The following KCNH1 variants were observed in gnomAD, a reference collection of about 807,000 sequenced individuals.
The protein encoded by KCNH1 is voltage-gated delayed rectifier potassium channel KCNH1.
A neutral mutation model predicts 69.2 loss-of-function variants in KCNH1; 27 were observed. That is an observed-to-expected ratio of 0.39 (90% confidence interval 0.29 to 0.54). The LOEUF is 0.54. KCNH1 is among the 20% of genes least tolerant of loss of function. KCNH1 has a pLI of 0.68. For missense variants in KCNH1, 798 were observed against 1,261.6 expected (o/e 0.63, Z 5.57); for synonymous variants, 456 against 487.7 (o/e 0.93, Z 0.86).
At chr1:210,824,079 A>G (rs1684987701) in intron 7 of KCNH1, among the ~76,000 whole-genome samples, 1 of 151,976 alleles carries the variant, frequency 6.6e-6, no homozygotes, top group South Asian at 2.1e-4. Context: ...GAGACTATAC[A>G]CATGAGCCAC....
chr1:211,066,517 C>A (rs182203748), intron 5 of KCNH1, among the ~76,000 whole-genome samples: 2 of 151,998 alleles, frequency 1.3e-5, no homozygotes, highest in African/African-American at 2.4e-5. Flanking sequence ...GTACACTGAA[C>A]CATCAGAAAG....
At chr1:211,120,297 C>T (rs1691662850) in intron 1 of KCNH1, among the ~76,000 whole-genome samples, 1 of 151,486 alleles carries the variant, frequency 6.6e-6, no homozygotes, top group African/African-American at 2.4e-5. Flanking sequence ...TCAAGCAATT[C>T]TCCTGCTTCA....
At chr1:210,860,856 C>G in intron 7 of KCNH1, 1 of 922,612 alleles carries the variant, frequency 1.1e-6, no homozygotes, top group Non-Finnish European at 1.8e-6. Context: ...CTCAGCAAGC[C>G]CTTGCTCTCA....
At chr1:210,740,630 G>A (rs559183034) in intron 10 of KCNH1, among the ~76,000 whole-genome samples, 27 of 149,232 alleles carry the variant, frequency 1.8e-4, no homozygotes, top group African/African-American at 6.7e-4. Context: ...ATTTAAAATA[G>A]TCATCTCCTA....
In KCNH1 at chr1:210,860,201, G is replaced by C. The variant is rs1468588549; in HGVS notation, c.1463-56035C>G. ...ACTGTTACATAATTATAAAGGAGGG[G>C]CATCATATCTGTAAAGTAATCAAAG... On this transcript the variant is annotated intron_variant, in intron 7 of 10. Transcript: ENST00000271751. The C allele has an allele frequency of 4.6e-6, 6 of 1,314,766 alleles. 1 individual carries two copies. The South Asian group carries it at 7.1e-5, about 15-fold the overall frequency. 81.4% of individuals were successfully genotyped at this position (1,314,766 alleles called of 1,614,324 possible).
chr1:210,714,698 A>G (rs1291537804), intron 10 of KCNH1, among the ~76,000 whole-genome samples: 1 of 152,154 alleles, frequency 6.6e-6, no homozygotes, highest in Non-Finnish European at 1.5e-5. Flanking sequence ...GGATCATGAT[A>G]CCATCCCTGC....
At chr1:210,894,240 T>C (rs77050512) in intron 7 of KCNH1, among the ~76,000 whole-genome samples, 1 of 152,328 alleles carries the variant, frequency 6.6e-6, no homozygotes, top group Non-Finnish European at 1.5e-5. Context: ...TGGAAACAAC[T>C]TGATCCTTTG....
intron 2 of KCNH1, 94 bp from the exon 3 acceptor site, chr1:211,103,696 A>G (rs1330093044): frequency 2.6e-6 from 2 of 779,426 alleles, no homozygotes; most frequent in Non-Finnish European, 4.2e-6. Flanking sequence ...GCACTGTGCT[A>G]TGTACTGTGG....
chr1:211,064,919 A>C (rs569691734), intron 5 of KCNH1, among the ~76,000 whole-genome samples: 1 of 152,318 alleles, frequency 6.6e-6, no homozygotes, highest in South Asian at 2.1e-4. Context: ...AGAAATGCAA[A>C]TTTAAATCAC....
At chr1:211,009,823 G>T (rs1170514308) in intron 6 of KCNH1, among the ~76,000 whole-genome samples, 1 of 152,074 alleles carries the variant, frequency 6.6e-6, no homozygotes, top group Admixed American at 6.6e-5. Flanking sequence ...TAGCCAGGCT[G>T]GTCTGGAACT....
At chr1:211,086,930 C>T (rs1309444433) in intron 4 of KCNH1, among the ~76,000 whole-genome samples, 1 of 152,146 alleles carries the variant, frequency 6.6e-6, no homozygotes, top group Non-Finnish European at 1.5e-5. Flanking sequence ...ACTGCCTAAG[C>T]GTCCTCAAGT....
intron 5 of KCNH1, among the ~76,000 whole-genome samples, chr1:211,049,979 C>CT (rs1488255666): frequency 6.6e-6 from 1 of 152,048 alleles, no homozygotes; most frequent in African/African-American, 2.4e-5. Context: ...TCCCAGAGTG[C>CT]TCACCACTTG....
intron 1 of KCNH1, among the ~76,000 whole-genome samples, chr1:211,132,021 C>T (rs901097996): frequency 1.5e-4 from 23 of 152,210 alleles, no homozygotes; most frequent in Non-Finnish European, 2.8e-4. Flanking sequence ...CTCCAAGATT[C>T]TTAAGGTTCC....
intron 3 of KCNH1, among the ~76,000 whole-genome samples, chr1:211,099,316 T>C (rs1209897407): frequency 6.6e-6 from 1 of 152,186 alleles, no homozygotes; most frequent in Non-Finnish European, 1.5e-5. Context: ...TTTTTTTTTC[T>C]TTATATTTTT....
At chr1:210,819,375 T>C (rs1391170992) in intron 7 of KCNH1, among the ~76,000 whole-genome samples, 1 of 152,156 alleles carries the variant, frequency 6.6e-6, no homozygotes, top group African/African-American at 2.4e-5. Context: ...AAGGTCATTA[T>C]TCTTCAGGAA....
chr1:210,919,613 A>G lies in KCNH1; in HGVS notation c.1462+27T>C, dbSNP rs746167264. 39 of 1,589,166 alleles carry G rather than the reference A, an allele frequency of 2.5e-5. No individual in the cohort carries two copies. Among genetic ancestry groups the G allele is most frequent in the Non-Finnish European group, 2.9e-5 (34 of 1,163,672 alleles). On this transcript the variant is annotated intron_variant, in intron 7 of 10. Transcript: ENST00000271751. The surrounding 1 kb of genome is among the most constrained non-coding windows in gnomAD (Gnocchi z 4.2). ...TTCCAGCTAACAGAAGAGATGGCCA[A>G]CCCCACCCCAGCACTGTCATACTTA...
At chr1:210,888,059 T>G (rs952720822) in intron 7 of KCNH1, among the ~76,000 whole-genome samples, 1 of 152,180 alleles carries the variant, frequency 6.6e-6, no homozygotes, top group Non-Finnish European at 1.5e-5. Flanking sequence ...CAAGCAGACC[T>G]AATAGACATC....
At chr1:210,831,889 T>C (rs2102440234) in intron 7 of KCNH1, among the ~76,000 whole-genome samples, 1 of 152,342 alleles carries the variant, frequency 6.6e-6, no homozygotes, top group East Asian at 1.9e-4. Flanking sequence ...ACTGTATCTA[T>C]GTGCTGTCCA....
chr1:210,827,742 T>A (rs1685063442), intron 7 of KCNH1, among the ~76,000 whole-genome samples: 1 of 152,056 alleles, frequency 6.6e-6, no homozygotes, highest in African/African-American at 2.4e-5. Flanking sequence ...AGCTTTGGGG[T>A]CAGAGGGTTC....
Sources: gnomAD v4.1 joint callset for allele counts (sites outside exome capture counted in the v4.1 genomes callset) on GRCh38, gnomAD v4.1.1 for gene constraint, Gnocchi (gnomAD v3.1) non-coding constraint, MANE v1.5 for transcripts, NCBI Gene and HGNC (gene_info 2026-07-23, HGNC 2026-07-21) for gene names.